Variants in STPG2 observed in about 807,000 individuals in gnomAD.
STPG2 encodes the protein sperm-tail PG-rich repeat-containing protein 2.
In STPG2, 56 loss-of-function variants were observed where a neutral mutation model predicts 54.2. The observed-to-expected ratio is 1.03, with a 90% CI of 0.83 to 1.29. The LOEUF (loss-of-function observed/expected upper bound fraction) is 1.29. Ranked by LOEUF, STPG2 falls within the 50% of genes most tolerant of loss-of-function variation. The pLI is 0.00. For missense variants in STPG2, 596 were observed against 544.9 expected (o/e 1.09, Z -0.93); for synonymous variants, 200 against 181.8 (o/e 1.10, Z -0.81).
At chr4:97,920,488 G>A (rs1225148899) in intron 8 of STPG2, among the ~76,000 whole-genome samples, 1 of 152,110 alleles carries the variant, frequency 6.6e-6, no homozygotes, top group Non-Finnish European at 1.5e-5. Flanking sequence ...ATTAACAAGT[G>A]GAAATTGGGT....
intron 6 of STPG2, among the ~76,000 whole-genome samples, chr4:97,978,445 T>C (rs527863732): frequency 6.6e-6 from 1 of 152,064 alleles, no homozygotes; most frequent in East Asian, 1.9e-4. Context: ...CACTTATAAG[T>C]GGGAGCAAAA....
chr4:98,093,037 C>T (rs986784539), intron 5 of STPG2, among the ~76,000 whole-genome samples: 11 of 152,080 alleles, frequency 7.2e-5, no homozygotes, highest in Admixed American at 2.0e-4. Flanking sequence ...AAAGTATTGG[C>T]GCCACCTAGT....
chr4:97,917,515 T>C (rs1731926500), intron 8 of STPG2: 1 of 152,200 alleles, frequency 6.6e-6, no homozygotes, highest in Non-Finnish European at 1.5e-5. Context: ...TATTTTTTCA[T>C]TTTTATGTAA....
At chr4:97,741,972 C>T (rs1376168925) in intron 9 of STPG2, among the ~76,000 whole-genome samples, 2 of 152,000 alleles carry the variant, frequency 1.3e-5, no homozygotes, top group African/African-American at 2.4e-5. Flanking sequence ...CCCAAATGTC[C>T]AACAATGATA....
At chr4:97,661,986 C>G (rs1722387503) in intron 10 of STPG2, among the ~76,000 whole-genome samples, 1 of 152,038 alleles carries the variant, frequency 6.6e-6, no homozygotes, top group South Asian at 2.1e-4. Context: ...GATTTTGTAT[C>G]CTGAAACTTT....
chr4:97,904,392 T>A (rs1035715466), intron 8 of STPG2, among the ~76,000 whole-genome samples: 3 of 152,008 alleles, frequency 2.0e-5, no homozygotes, highest in African/African-American at 7.3e-5. Flanking sequence ...CAGCTGAGGG[T>A]CCTGTCTGTT....
At chr4:98,113,775 G>A (rs1739426449) in intron 3 of STPG2, among the ~76,000 whole-genome samples, 2 of 151,872 alleles carry the variant, frequency 1.3e-5, no homozygotes, top group Non-Finnish European at 2.9e-5. Context: ...ACAAAGCTAT[G>A]AATAAAAACT....
chr4:97,632,634 T>C (rs1721329436), intron 10 of STPG2, among the ~76,000 whole-genome samples: 1 of 152,154 alleles, frequency 6.6e-6, no homozygotes, highest in African/African-American at 2.4e-5. Flanking sequence ...ATATGCTTTA[T>C]ACATTCATAA....
intron 8 of STPG2, among the ~76,000 whole-genome samples, chr4:97,912,742 A>G (rs557111195): frequency 6.6e-6 from 1 of 152,376 alleles, no homozygotes; most frequent in East Asian, 1.9e-4. Flanking sequence ...AGACAGAAAG[A>G]ACAGAATCAA....
chr4:98,112,472 A>G (rs577531123), intron 3 of STPG2, among the ~76,000 whole-genome samples: 1 of 152,204 alleles, frequency 6.6e-6, no homozygotes, highest in African/African-American at 2.4e-5. Context: ...ATTTCTTAGG[A>G]CGTATCCCTA....
At chr4:97,932,678 C>G (rs1732595597) in intron 8 of STPG2, among the ~76,000 whole-genome samples, 1 of 152,160 alleles carries the variant, frequency 6.6e-6, no homozygotes, top group Admixed American at 6.5e-5. Flanking sequence ...CATCCATGCA[C>G]CCGCAAAGGA....
chr4:98,130,348 G>A (rs776780833), intron 2 of STPG2, among the ~76,000 whole-genome samples: 5 of 151,598 alleles, frequency 3.3e-5, no homozygotes, highest in Non-Finnish European at 7.4e-5. Flanking sequence ...GCTAATTTTT[G>A]TAGTTTTTTA....
chr4:97,586,377 A>G (rs1249719019), intron 10 of STPG2, among the ~76,000 whole-genome samples: 1 of 152,002 alleles, frequency 6.6e-6, no homozygotes, highest in African/African-American at 2.4e-5. Flanking sequence ...CTGGAAGGAA[A>G]AGAGAAAGAC....
chr4:97,853,659 C>T (rs1383868690), intron 8 of STPG2, among the ~76,000 whole-genome samples: 2 of 152,154 alleles, frequency 1.3e-5, no homozygotes, highest in Non-Finnish European at 2.9e-5. Flanking sequence ...TAACTTCATA[C>T]GAATCAAAAA....
intron 5 of STPG2, among the ~76,000 whole-genome samples, chr4:98,020,700 G>A (rs1314544873): frequency 1.3e-5 from 2 of 152,158 alleles, no homozygotes; most frequent in African/African-American, 4.8e-5. Context: ...TTCAGATCCT[G>A]TTATTGGTCT....
intron 8 of STPG2, among the ~76,000 whole-genome samples, chr4:97,928,907 G>C (rs1231211608): frequency 1.3e-5 from 2 of 151,510 alleles, no homozygotes; most frequent in African/African-American, 4.9e-5. Context: ...TTTAGGTTTG[G>C]GGGTCCATGT....
chr4:97,829,286 T>G (rs1281411463), intron 9 of STPG2, among the ~76,000 whole-genome samples: 1 of 152,150 alleles, frequency 6.6e-6, no homozygotes, highest in Non-Finnish European at 1.5e-5. Context: ...CAGAGTGGCC[T>G]GTTACAAAGA....
At chr4:97,791,932 A>G (rs1391822431) in intron 9 of STPG2, among the ~76,000 whole-genome samples, 1 of 152,186 alleles carries the variant, frequency 6.6e-6, no homozygotes, top group Non-Finnish European at 1.5e-5. Context: ...TTACATTGGT[A>G]GAAGAATGCT....
At position 97,955,956 on chromosome 4, in the gene STPG2, G is replaced by T. The variant is rs577324865; in HGVS notation, c.934-11949C>A. ...CTGTAATAATTCAGCAGCAGACCTG[G>T]ACCAGAAGAAATGCTAAAGGAAGTT... is the stretch of plus-strand genomic sequence containing the variant. On this transcript the variant is annotated intron_variant, in intron 7 of 10. Transcript: ENST00000295268. Among the ~76,000 whole-genome samples, 18 of 152,112 alleles carry T rather than the reference G, an allele frequency of 1.2e-4. 1 individual carries two copies. In the South Asian group the frequency reaches 3.5e-3, roughly 30 times the overall value.
Sources: gnomAD v4.1 joint callset for allele counts (sites outside exome capture counted in the v4.1 genomes callset) on GRCh38, gnomAD v4.1.1 for gene constraint, MANE v1.5 for transcripts, NCBI Gene and HGNC (gene_info 2026-07-23, HGNC 2026-07-21) for gene names.